Variants in WASF2 observed in about 807,000 individuals in gnomAD.
The protein encoded by WASF2 is WASP family member 2.
A neutral mutation model predicts 45.0 loss-of-function variants in WASF2; 14 were observed. The ratio of observed to expected loss-of-function variants is 0.31; its 90% CI spans 0.21 to 0.49. WASF2 has a LOEUF of 0.49. Ranked by LOEUF, WASF2 falls within the 20% of genes least tolerant of loss-of-function variation. The probability of loss-of-function intolerance (pLI) is 0.99; values close to 1 mark genes in which losing one functional copy is unlikely to be tolerated. For synonymous variants in WASF2, 200 were observed against 236.3 expected (o/e 0.85, Z 1.41); for missense variants, 439 against 636.1 (o/e 0.69, Z 3.33).
chr1:27,412,777 G>A (rs749217657), intron 6 of WASF2, 50 bp from the exon 7 acceptor site: 136 of 1,606,266 alleles, frequency 8.5e-5, no homozygotes, highest in Non-Finnish European at 1.1e-4. Flanking sequence ...GCCTGAGTGG[G>A]TTTTTTCTTC....
At chr1:27,418,779 T>A (rs2016861125) in intron 3 of WASF2, among the ~76,000 whole-genome samples, 175 bp downstream of exon 3, 1 of 151,612 alleles carries the variant, frequency 6.6e-6, no homozygotes, top group Non-Finnish European at 1.5e-5. Flanking sequence ...CATGGGGGTG[T>A]GGTGGAGCTA....
Position 27,410,335 on chromosome 1 carries a change from AG to A in WASF2, c.825-130del, listed in dbSNP as rs2016745599. The A allele has an allele frequency of 2.1e-6, 3 of 1,461,520 alleles. No homozygotes were observed. In the South Asian group the frequency reaches 4.3e-5, roughly 21 times the overall value. 90.5% of individuals were successfully genotyped at this position (1,461,520 alleles called of 1,614,324 possible). A position where few individuals can be genotyped will look rare whatever the true frequency, so the allele number is the denominator to read the frequency against. On this transcript the variant is annotated intron_variant, in intron 7 of 8. Transcript: ENST00000618852. The surrounding 1 kb of genome is among the most constrained non-coding windows in gnomAD (Gnocchi z 4.2). Reference sequence around the variant, plus strand: ...CCATTTCACTTTCACTTAAACAGAAAGAAAAGCCTACAGATGGTCATAACAG... The same window carrying A: ...CCATTTCACTTTCACTTAAACAGAAAAAAAGCCTACAGATGGTCATAACAG...
intron 1 of WASF2, among the ~76,000 whole-genome samples, chr1:27,463,928 C>T (rs1040442646): frequency 2.0e-5 from 3 of 151,354 alleles, no homozygotes; most frequent in African/African-American, 7.3e-5. Flanking sequence ...TGTGCCACCA[C>T]GCCCGGCTAA....
chr1:27,459,870 G>A (rs1404706537), intron 1 of WASF2, among the ~76,000 whole-genome samples: 1 of 152,200 alleles, frequency 6.6e-6, no homozygotes, highest in Non-Finnish European at 1.5e-5. Context: ...ATCCACAATA[G>A]ATTCTATTAG....
At chr1:27,461,967 CTATTT>C (rs745595441) in intron 1 of WASF2, among the ~76,000 whole-genome samples, 1 of 148,300 alleles carries the variant, frequency 6.7e-6, no homozygotes, top group Non-Finnish European at 1.5e-5. Flanking sequence ...CGGCCACTCA[CTATTT>C]TATTACTTTT....
In WASF2 at chr1:27,406,603, C is replaced by T. The variant is rs1339502132; in HGVS notation, c.*1586G>A. Reference sequence around the variant, plus strand: ...CAGAAGCCGATTTCAGCATAAGAGGCTACACAATAGTTAGGGCAGAAGAAA... The same window carrying T: ...CAGAAGCCGATTTCAGCATAAGAGGTTACACAATAGTTAGGGCAGAAGAAA... On this transcript the variant is annotated 3_prime_UTR_variant, in exon 9 of 9. Coordinates refer to ENST00000618852, the MANE Select transcript of WASF2 (RefSeq NM_006990.5). The T allele has an allele frequency of 6.6e-6, 1 of 152,554 alleles. No individual in the cohort carries two copies. The highest frequency in any genetic ancestry group is 1.5e-5 in the Non-Finnish European group (1 of 68,068). 9.5% of individuals were successfully genotyped at this position (152,554 alleles called of 1,614,324 possible).
At chr1:27,435,792 G>T (rs6668414) in intron 1 of WASF2, among the ~76,000 whole-genome samples, 3,092 of 152,248 alleles carry the variant, frequency 0.02, 108 homozygotes, top group African/African-American at 0.07. Context: ...CATTCTTCTG[G>T]CTATGTTTAT....
chr1:27,447,824 T>C (rs937716460), intron 1 of WASF2, among the ~76,000 whole-genome samples: 1 of 152,244 alleles, frequency 6.6e-6, no homozygotes, highest in Non-Finnish European at 1.5e-5. Flanking sequence ...TCAAGTTTCA[T>C]CTTGATAACA....
At chr1:27,463,487 G>C (rs2017574600) in intron 1 of WASF2, among the ~76,000 whole-genome samples, 1 of 151,730 alleles carries the variant, frequency 6.6e-6, no homozygotes, top group Admixed American at 6.6e-5. Flanking sequence ...CAGCCGAGTG[G>C]TGGCGGGTGC....
In WASF2 at chr1:27,428,684, C is replaced by T. The variant is rs184786417; in HGVS notation, c.130+77G>A. On this transcript the variant is annotated intron_variant, in intron 2 of 8. Coordinates refer to ENST00000618852, the MANE Select transcript of WASF2 (RefSeq NM_006990.5). ...AAGGCAGATGGGGGAGAAATAGGAA[C>T]GCGGGAGGAGAAGGAAACTAAATAA... 59 of 1,607,338 alleles carry T rather than the reference C, an allele frequency of 3.7e-5. No individual in the cohort carries two copies. In the South Asian group the frequency reaches 3.8e-4, roughly 10 times the overall value.
chr1:27,444,017 G>C (rs2017280951), intron 1 of WASF2, among the ~76,000 whole-genome samples: 2 of 152,122 alleles, frequency 1.3e-5, no homozygotes, highest in Admixed American at 6.5e-5. Flanking sequence ...CTGACCTTGT[G>C]ATCTGCCCGC....
At chr1:27,431,003 C>G (rs989615942) in intron 1 of WASF2, among the ~76,000 whole-genome samples, 12 of 152,236 alleles carry the variant, frequency 7.9e-5, no homozygotes, top group Non-Finnish European at 1.6e-4. Context: ...ACAGACTGCT[C>G]CTTGTTATGG....
intron 1 of WASF2, among the ~76,000 whole-genome samples, chr1:27,472,927 G>C (rs2017710704): frequency 7.0e-6 from 1 of 143,468 alleles, no homozygotes; most frequent in Non-Finnish European, 1.5e-5. Flanking sequence ...AGCCATGATG[G>C]CACCACTGCA....
At chr1:27,449,504 C>A (rs2148124093) in intron 1 of WASF2, among the ~76,000 whole-genome samples, 1 of 151,180 alleles carries the variant, frequency 6.6e-6, no homozygotes, top group Middle Eastern at 3.4e-3. Flanking sequence ...GAGGTTGAGG[C>A]AGGAGAATCA....
intron 8 of WASF2, among the ~76,000 whole-genome samples, chr1:27,409,452 A>AAAAAAAAAAAAAAAAAAAAG (rs1557594400): frequency 1.4e-5 from 2 of 146,266 alleles, no homozygotes; most frequent in African/African-American, 5.4e-5. Context: ...AAAAAAAAAA[A>AAAAAAAAAAAAAAAAAAAAG]AAAAGAAAAG....
intron 2 of WASF2, among the ~76,000 whole-genome samples, chr1:27,428,133 A>T (rs1272192462): frequency 6.6e-6 from 1 of 152,108 alleles, no homozygotes; most frequent in African/African-American, 2.4e-5. Flanking sequence ...TATTTGTGTC[A>T]CTGTATGTTC....
chr1:27,453,133 C>T (rs1055321220), intron 1 of WASF2, among the ~76,000 whole-genome samples: 1 of 147,378 alleles, frequency 6.8e-6, no homozygotes, highest in Admixed American at 6.8e-5. Flanking sequence ...CTTGAACCCA[C>T]GAGGCAGGTT....
At chr1:27,442,692 C>T (rs2148120182) in intron 1 of WASF2, among the ~76,000 whole-genome samples, 1 of 151,826 alleles carries the variant, frequency 6.6e-6, no homozygotes, top group African/African-American at 2.4e-5. Context: ...AACCTCATTT[C>T]TATGAAAAAC....
intron 1 of WASF2, among the ~76,000 whole-genome samples, chr1:27,487,743 CAT>C (rs1557626874): frequency 8.5e-6 from 1 of 117,116 alleles, no homozygotes; most frequent in Non-Finnish European, 1.7e-5. Flanking sequence ...TAATGTATAT[CAT>C]ATTATATAAT....
Sources: gnomAD v4.1 joint callset for allele counts (sites outside exome capture counted in the v4.1 genomes callset) on GRCh38, gnomAD v4.1.1 for gene constraint, Gnocchi (gnomAD v3.1) non-coding constraint, MANE v1.5 for transcripts, NCBI Gene and HGNC (gene_info 2026-07-23, HGNC 2026-07-21) for gene names.